The following RPS6KA5 variants were observed in gnomAD, a reference collection of about 807,000 sequenced individuals.
RPS6KA5 encodes the protein ribosomal protein S6 kinase alpha-5.
RPS6KA5 carries 27 observed loss-of-function variants against 85.5 expected under a neutral mutation model. The observed-to-expected ratio is 0.32, with a 90% confidence interval of 0.23 to 0.44. The LOEUF (loss-of-function observed/expected upper bound fraction) is 0.44, where lower values mean the gene tolerates loss of function less well. Ranked by LOEUF, RPS6KA5 falls within the 20% of genes least tolerant of loss-of-function variation. RPS6KA5 has a pLI of 1.00. For synonymous variants in RPS6KA5, 334 were observed against 348.2 expected, an observed-to-expected ratio of 0.96 and a Z score of 0.46; for missense variants, 811 against 980.9, an observed-to-expected ratio of 0.83 and a Z score of 2.31.
intron 14 of RPS6KA5, among the ~76,000 whole-genome samples, chr14:90,883,664 T>C (rs1257937629): frequency 6.6e-6 from 1 of 152,202 alleles, no homozygotes; most frequent in Non-Finnish European, 1.5e-5. Flanking sequence ...TTTTTTTGAG[T>C]GGGCCATACT....
chr14:90,988,042 G>C (rs978159306), intron 2 of RPS6KA5, among the ~76,000 whole-genome samples: 5 of 152,132 alleles, frequency 3.3e-5, no homozygotes, highest in African/African-American at 1.2e-4. Context: ...AAATACAAAT[G>C]AATGAATGAA....
rs1380905519 is a variant in RPS6KA5, at chr14:90,855,246, C to T, written c.*16828G>A. On this transcript the variant is annotated 3_prime_UTR_variant, in exon 17 of 17. Transcript: ENST00000614987. ...AATCATGAATGGCATTAATTTTCTG[C>T]TATTTTAAAGGTATTATGTTTGATG... 1 of 152,032 alleles carries T rather than the reference C, an allele frequency of 6.6e-6. No homozygotes were observed. The highest frequency in any genetic ancestry group is 1.9e-4 in the East Asian group (1 of 5,198). 9.4% of individuals were successfully genotyped at this position (152,032 alleles called of 1,614,324 possible). A position where few individuals can be genotyped will look rare whatever the true frequency, so the allele number is the denominator to read the frequency against.
chr14:91,030,509 CAG>C (rs2042142196), intron 1 of RPS6KA5, among the ~76,000 whole-genome samples: 1 of 147,220 alleles, frequency 6.8e-6, no homozygotes, highest in African/African-American at 2.5e-5. Flanking sequence ...GCCAGCAAGA[CAG>C]AGTTTCTAAC....
intron 3 of RPS6KA5, among the ~76,000 whole-genome samples, chr14:90,949,181 C>T (rs565914235): frequency 6.6e-6 from 1 of 152,292 alleles, no homozygotes; most frequent in Admixed American, 6.5e-5. Flanking sequence ...TACTTAAAAA[C>T]TCAATACTTA....
At chr14:90,940,768 G>A (rs1014320719) in intron 5 of RPS6KA5, among the ~76,000 whole-genome samples, 1 of 152,240 alleles carries the variant, frequency 6.6e-6, no homozygotes, top group African/African-American at 2.4e-5. Context: ...CAGCAGACAA[G>A]CATTGCCACC....
At chr14:91,039,002 T>G (rs1353840626) in intron 1 of RPS6KA5, among the ~76,000 whole-genome samples, 2 of 152,210 alleles carry the variant, frequency 1.3e-5, no homozygotes, top group Non-Finnish European at 2.9e-5. Flanking sequence ...CATTGATAAC[T>G]GGCTGATCTC....
intron 3 of RPS6KA5, among the ~76,000 whole-genome samples, chr14:90,969,922 C>T (rs1333047148): frequency 1.3e-5 from 2 of 151,814 alleles, no homozygotes; most frequent in African/African-American, 4.8e-5. Flanking sequence ...AAATTTTCCT[C>T]TTCCTTCTGA....
intron 3 of RPS6KA5, among the ~76,000 whole-genome samples, chr14:90,955,920 T>C (rs567702291): frequency 2.6e-5 from 4 of 152,324 alleles, no homozygotes; most frequent in Admixed American, 2.6e-4. Flanking sequence ...TCTATATTGT[T>C]AGGCCCTTGA....
chr14:91,032,967 C>T (rs1411332842), intron 1 of RPS6KA5, among the ~76,000 whole-genome samples: 2 of 151,714 alleles, frequency 1.3e-5, no homozygotes, highest in Non-Finnish European at 2.9e-5. Flanking sequence ...GTCAGGAGAT[C>T]GAGACCAGGA....
intron 3 of RPS6KA5, among the ~76,000 whole-genome samples, chr14:90,973,729 GTTATA>G (rs765962577): frequency 6.6e-6 from 1 of 151,894 alleles, no homozygotes; most frequent in Non-Finnish European, 1.5e-5. Flanking sequence ...TTACAACCAC[GTTATA>G]TTATGTTAAA....
At chr14:91,044,822 G>A (rs1202614845) in intron 1 of RPS6KA5, among the ~76,000 whole-genome samples, 1 of 148,198 alleles carries the variant, frequency 6.7e-6, no homozygotes, top group African/African-American at 2.5e-5. Flanking sequence ...AGTGAGCCGA[G>A]ACCGCACCAT....
At chr14:90,917,212 T>C (rs1445978586) in intron 7 of RPS6KA5, among the ~76,000 whole-genome samples, 1 of 152,190 alleles carries the variant, frequency 6.6e-6, no homozygotes, top group Non-Finnish European at 1.5e-5. Context: ...TTTATAATTT[T>C]TCATAAGAGG....
chr14:91,050,713 G>T (rs958050957), intron 1 of RPS6KA5, among the ~76,000 whole-genome samples: 1 of 152,136 alleles, frequency 6.6e-6, no homozygotes. Context: ...ACAGGCGTGA[G>T]CCACCGCGCC....
intron 6 of RPS6KA5, 85 bp from the exon 7 acceptor site, chr14:90,920,394 T>C: frequency 2.1e-6 from 2 of 952,072 alleles, no homozygotes; most frequent in Non-Finnish European, 3.2e-6. Flanking sequence ...AGCTATCTAT[T>C]AGGAAAATGT....
At chr14:90,886,307 A>T (rs2140179499) in intron 14 of RPS6KA5, among the ~76,000 whole-genome samples, 1 of 152,320 alleles carries the variant, frequency 6.6e-6, no homozygotes, top group East Asian at 1.9e-4. Flanking sequence ...TGAGAATAAA[A>T]CACTTTAAAC....
chr14:90,917,272 T>C (rs963181583), intron 7 of RPS6KA5, among the ~76,000 whole-genome samples: 1 of 152,212 alleles, frequency 6.6e-6, no homozygotes, highest in African/African-American at 2.4e-5. Context: ...CTCACTTAAC[T>C]TTGGCATTAA....
At chr14:91,056,860 G>A (rs1296255952) in intron 1 of RPS6KA5, among the ~76,000 whole-genome samples, 3 of 116,278 alleles carry the variant, frequency 2.6e-5, no homozygotes, top group African/African-American at 9.8e-5. Flanking sequence ...ACTTAAGGCA[G>A]TATTATCTTT....
At chr14:91,008,213 T>C (rs999503173) in intron 1 of RPS6KA5, among the ~76,000 whole-genome samples, 1 of 152,248 alleles carries the variant, frequency 6.6e-6, no homozygotes, top group African/African-American at 2.4e-5. Context: ...GATTCACTTA[T>C]GTTAAAGGCT....
At chr14:90,958,573 G>A (rs1304115160) in intron 3 of RPS6KA5, among the ~76,000 whole-genome samples, 1 of 152,172 alleles carries the variant, frequency 6.6e-6, no homozygotes, top group African/African-American at 2.4e-5. Flanking sequence ...GTGTGACTTT[G>A]AGCAAGATGT....
Sources: gnomAD v4.1 joint callset for allele counts (sites outside exome capture counted in the v4.1 genomes callset) on GRCh38, gnomAD v4.1.1 for gene constraint, MANE v1.5 for transcripts, NCBI Gene and HGNC (gene_info 2026-07-23, HGNC 2026-07-21) for gene names.